Variants in C19orf18 observed in about 807,000 individuals in gnomAD.
C19orf18 encodes the protein chromosome 19 open reading frame 18, also known as uncharacterized protein C19orf18.
C19orf18 carries 21 observed loss-of-function variants against 23.3 expected under a neutral mutation model. That is an observed-to-expected ratio of 0.90 (90% CI 0.64 to 1.30). The LOEUF (loss-of-function observed/expected upper bound fraction) is 1.30. Ranked by LOEUF, C19orf18 falls within the 50% of genes most tolerant of loss-of-function variation. C19orf18 has a pLI of 0.00. For missense variants in C19orf18, 249 were observed against 259.6 expected, an observed-to-expected ratio of 0.96 and a Z score of 0.28; for synonymous variants, 96 against 95.2, an observed-to-expected ratio of 1.01 and a Z score of -0.05.
intron 4 of C19orf18, among the ~76,000 whole-genome samples, chr19:57,965,275 C>T (rs555464044): frequency 6.6e-6 from 1 of 152,204 alleles, no homozygotes; most frequent in South Asian, 2.1e-4. Context: ...GCTGGGATTA[C>T]AGGTGCCCAC....
At chr19:57,967,757 A>G (rs1470879810) in intron 3 of C19orf18, among the ~76,000 whole-genome samples, 2 of 151,562 alleles carry the variant, frequency 1.3e-5, no homozygotes, top group Non-Finnish European at 2.9e-5. Flanking sequence ...TGTCTTAAAA[A>G]AAAAAAACTT....
intron 4 of C19orf18, among the ~76,000 whole-genome samples, chr19:57,963,913 A>G (rs1386656765): frequency 2.6e-5 from 4 of 152,064 alleles, no homozygotes; most frequent in Non-Finnish European, 5.9e-5. Context: ...ATAAAAATAA[A>G]TATTTTATCT....
Position 57,961,372 on chromosome 19 carries a change from C to T in C19orf18, c.532+19G>A, listed in dbSNP as rs1568565734. On this transcript the variant is annotated intron_variant, in intron 5 of 5. Coordinates refer to ENST00000314391, the MANE Select transcript of C19orf18 (RefSeq NM_152474.5). ...GCCAGCTTGGCTTTCCTGCGAATAG[C>T]TCTTACAGGTCACACTACCTGAGTG... The T allele has an allele frequency of 2.5e-6, 4 of 1,590,988 alleles. No individual in the cohort carries two copies. Among genetic ancestry groups the T allele is most frequent in the Non-Finnish European group, 3.4e-6 (4 of 1,168,614 alleles).
At position 57,961,536 on chromosome 19, in the gene C19orf18, A is replaced by C. The variant is rs767663297; in HGVS notation, c.387T>G (p.Ala129=). 2 of 1,611,676 alleles carry C rather than the reference A, an allele frequency of 1.2e-6. No homozygotes were observed. Among genetic ancestry groups the C allele is most frequent in the East Asian group, 4.5e-5 (2 of 44,876 alleles). The part of the protein sequence containing the change: ...ISYMIYRLAQ[A]EERQQLESLY... ...GTGACTCGAGCTGTTGTCTTTCCTC[A>C]GCCTGTGCCAGTCGACTGGAGAATG... The change falls in exon 5 of 6, where the codon GCT becomes GCG. Residue 129 remains alanine, a synonymous_variant. Coordinates refer to ENST00000314391, the MANE Select transcript of C19orf18 (RefSeq NM_152474.5).
chr19:57,958,775 C>T, intron 5 of C19orf18, 58 bp from the exon 6 acceptor site: 1 of 965,784 alleles, frequency 1.0e-6, no homozygotes, highest in Non-Finnish European at 1.5e-6. Flanking sequence ...AAAATGGAGA[C>T]AAAAGGGGTG....
intron 5 of C19orf18, 28 bp from the exon 6 acceptor site, chr19:57,958,745 A>T: frequency 2.3e-6 from 3 of 1,305,626 alleles, no homozygotes; most frequent in Non-Finnish European, 3.2e-6. Context: ...TGTTATTGAG[A>T]TAGTAATAAG....
intron 5 of C19orf18, 32 bp from the exon 6 acceptor site, chr19:57,958,749 T>C (rs1341273576): frequency 8.0e-7 from 1 of 1,257,646 alleles, no homozygotes; most frequent in East Asian, 2.5e-5. Flanking sequence ...ATTGAGATAG[T>C]AATAAGTGAG....
chr19:57,963,489 T>A (rs780291317), intron 4 of C19orf18, among the ~76,000 whole-genome samples: 24 of 152,174 alleles, frequency 1.6e-4, no homozygotes, highest in Non-Finnish European at 3.1e-4. Context: ...TATACACGTT[T>A]TAATGTATTT....
At chr19:57,966,424 T>C (rs567872978) in intron 4 of C19orf18, 106 bp downstream of exon 4, 1 of 727,094 alleles carries the variant, frequency 1.4e-6, no homozygotes, top group Non-Finnish European at 2.2e-6. Context: ...ACCAATACTT[T>C]AGCAATTATA....
chr19:57,970,686 C>T (rs758105806), intron 3 of C19orf18, among the ~76,000 whole-genome samples: 1 of 147,268 alleles, frequency 6.8e-6, no homozygotes, highest in African/African-American at 2.6e-5. Flanking sequence ...GTTCTCCTAC[C>T]TCAGCCTCCC....
chr19:57,972,486 G>A lies in C19orf18; in HGVS notation c.245C>T (p.Pro82Leu), dbSNP rs373597607. 1 of 1,613,976 alleles carries A rather than the reference G, an allele frequency of 6.2e-7. No individual in the cohort carries two copies. Residue 82 changes from proline to leucine, a missense_variant, in exon 3 of 6, where the codon CCC becomes CTC. Pro to Leu is a moderately conservative substitution (Grantham distance 98). Transcript: ENST00000314391. ...ACCTTTATTCCTCAGGAATTTCATG[G>A]GGTTCGTAGGGGATGCAGCTAAAAG... ...SRSTAASPTN[P>L]MKFLRNKAII...
At chr19:57,974,000 C>T in intron 2 of C19orf18, 99 bp downstream of exon 2, 4 of 1,178,476 alleles carry the variant, frequency 3.4e-6, no homozygotes, top group Non-Finnish European at 4.9e-6. Flanking sequence ...ATTTTATGGA[C>T]CTTTCTACCA....
Position 57,974,511 on chromosome 19 carries a change from T to A in C19orf18, c.-79A>T. 6.5e-7 allele frequency: 1 copy of A among 1,546,208 alleles called. No homozygotes were observed. The highest frequency in any genetic ancestry group is 8.8e-7 in the Non-Finnish European group (1 of 1,135,586). Reference sequence around the variant, plus strand: ...CAGTCCAGCATCTGTCCTCTATTTATCTGAGGAATCAAGAAGTTCTACTCC... The same window carrying A: ...CAGTCCAGCATCTGTCCTCTATTTAACTGAGGAATCAAGAAGTTCTACTCC... On this transcript the variant is annotated 5_prime_UTR_variant, in exon 1 of 6. Coordinates refer to ENST00000314391, the MANE Select transcript of C19orf18 (RefSeq NM_152474.5).
At chr19:57,972,604 C>T (rs974358671) in intron 2 of C19orf18, 100 bp from the exon 3 acceptor site, 46 of 1,282,978 alleles carry the variant, frequency 3.6e-5, no homozygotes, top group Admixed American at 2.2e-4. Context: ...AGAAGGACGC[C>T]GAACACACAG....
At chr19:57,960,908 G>A (rs1214316815) in intron 5 of C19orf18, among the ~76,000 whole-genome samples, 3 of 151,996 alleles carry the variant, frequency 2.0e-5, no homozygotes, top group African/African-American at 4.8e-5. Context: ...GGCCAGGCGC[G>A]GTGGCTCACG....
At chr19:57,969,191 T>C (rs577369343) in intron 3 of C19orf18, among the ~76,000 whole-genome samples, 1 of 152,100 alleles carries the variant, frequency 6.6e-6, no homozygotes, top group Non-Finnish European at 1.5e-5. Flanking sequence ...TGAAGATCAT[T>C]TGCATGTCTG....
At chr19:57,965,154 G>A (rs1186244744) in intron 4 of C19orf18, among the ~76,000 whole-genome samples, 1 of 76,726 alleles carries the variant, frequency 1.3e-5, no homozygotes, top group South Asian at 3.1e-4. Context: ...TATTATTTGC[G>A]ACAGAGTTTT....
intron 3 of C19orf18, among the ~76,000 whole-genome samples, chr19:57,971,528 C>T (rs941958686): frequency 8.6e-5 from 13 of 152,042 alleles, no homozygotes; most frequent in African/African-American, 2.4e-4. Flanking sequence ...TAGAGTGCAG[C>T]GACCCAATCT....
chr19:57,966,763 G>GTT, intron 3 of C19orf18, 131 bp from the exon 4 acceptor site: 2 of 586,300 alleles, frequency 3.4e-6, no homozygotes, highest in South Asian at 2.1e-5. Flanking sequence ...AGCTTGTTTT[G>GTT]TTTTTTTTTG....
Sources: gnomAD v4.1 joint callset for allele counts (sites outside exome capture counted in the v4.1 genomes callset) on GRCh38, gnomAD v4.1.1 for gene constraint, MANE v1.5 for transcripts, NCBI Gene and HGNC (gene_info 2026-07-23, HGNC 2026-07-21) for gene names.